DNAAF1: variants seen among roughly 807,000 people sequenced by gnomAD.
DNAAF1 encodes dynein axonemal assembly factor 1.
DNAAF1 carries 65 observed loss-of-function variants against 71.1 expected under a neutral mutation model. The ratio of observed to expected loss-of-function variants is 0.91; its 90% CI spans 0.75 to 1.12. DNAAF1 has a LOEUF of 1.12. Ranked by LOEUF, DNAAF1 falls within the 50% of genes most tolerant of loss-of-function variation. DNAAF1 has a pLI of 0.00. For synonymous variants in DNAAF1, 414 were observed against 354.6 expected, an observed-to-expected ratio of 1.17 and a Z score of -1.88; for missense variants, 1,178 against 899.8, an observed-to-expected ratio of 1.31 and a Z score of -3.96.
chr16:84,147,057 T>C (rs1354760496), intron 1 of DNAAF1, among the ~76,000 whole-genome samples: 2 of 152,172 alleles, frequency 1.3e-5, no homozygotes, highest in African/African-American at 2.4e-5. Context: ...TTTATGGCTG[T>C]TGGCCCAGAG....
chr16:84,160,750 C>T (rs111890360), intron 6 of DNAAF1, among the ~76,000 whole-genome samples: 10,736 of 151,742 alleles, frequency 0.071, 768 homozygotes, highest in African/African-American at 0.19. Flanking sequence ...CTGGCTAACA[C>T]GGTGAAACCG....
rs577953347 is a variant in DNAAF1 at position 84,176,556 on chromosome 16, G to T, written c.2065+257G>T. 240 of 585,940 alleles carry T rather than the reference G, an allele frequency of 4.1e-4. 1 individual carries two copies. Among genetic ancestry groups the T allele is most frequent in the African/African-American group, 4.1e-3 (219 of 53,980 alleles). 36.3% of individuals were successfully genotyped at this position (585,940 alleles called of 1,614,324 possible). On this transcript the variant is annotated intron_variant, in intron 11 of 11. Coordinates refer to ENST00000378553, the MANE Select transcript of DNAAF1 (RefSeq NM_178452.6). ...GGGCAGCCGAGTCTGACTGTGTGTG[G>T]GGGTCACAATCCCCCTGTGGTCATG...
chr16:84,156,442 G>A (rs960673881), intron 5 of DNAAF1, among the ~76,000 whole-genome samples: 7 of 152,158 alleles, frequency 4.6e-5, no homozygotes, highest in Non-Finnish European at 8.8e-5. Flanking sequence ...TTCACCTTGA[G>A]GTGTGTCAGG....
At chr16:84,166,380 T>TC (rs1389934390) in intron 7 of DNAAF1, among the ~76,000 whole-genome samples, 15 of 148,198 alleles carry the variant, frequency 1.0e-4, no homozygotes, top group African/African-American at 3.7e-4. Context: ...CTTTTTTTTT[T>TC]TTTTTTTTTT....
chr16:84,169,633 C>G (rs886601468), intron 7 of DNAAF1, among the ~76,000 whole-genome samples: 1 of 152,016 alleles, frequency 6.6e-6, no homozygotes, highest in Non-Finnish European at 1.5e-5. Flanking sequence ...GTTGGCCAGC[C>G]TGGTTTTGAA....
At chr16:84,162,801 A>G (rs1364747582) in intron 6 of DNAAF1, among the ~76,000 whole-genome samples, 2 of 152,000 alleles carry the variant, frequency 1.3e-5, no homozygotes, top group Admixed American at 6.5e-5. Context: ...CCTGGGTGAC[A>G]GTGGGAGACT....
chr16:84,162,477 G>A (rs932310775), intron 6 of DNAAF1, among the ~76,000 whole-genome samples: 2 of 151,742 alleles, frequency 1.3e-5, no homozygotes, highest in African/African-American at 4.8e-5. Context: ...TATTCACAGA[G>A]TTGTGCAACC....
chr16:84,148,438 T>TA lies in DNAAF1; in HGVS notation c.125-560dup, dbSNP rs199824913. Among the ~76,000 whole-genome samples the TA allele has an allele frequency of 6.9e-3, 1,036 of 150,414 alleles. 12 individuals carry two copies. The highest frequency in any genetic ancestry group is 0.023 in the African/African-American group (953 of 40,994). The stretch of plus-strand genomic sequence containing the variant: ...CGTTGTTAACAGTTTTTGGCTTTTA[T>TA]AAAAAAAAACGCAGAAACAAATCTC... On this transcript the variant is annotated intron_variant, in intron 1 of 11. Coordinates refer to ENST00000378553, the MANE Select transcript of DNAAF1 (RefSeq NM_178452.6).
In DNAAF1 at chr16:84,149,894, G is replaced by A. The variant is rs143958942; in HGVS notation, c.261-357G>A. On this transcript the variant is annotated intron_variant, in intron 2 of 11. Coordinates refer to ENST00000378553, the MANE Select transcript of DNAAF1 (RefSeq NM_178452.6). ...ACAAAAATTAGCCAGGTGTGGTGGC[G>A]CATGCCTGTAATCCCAGCTACTCGG... Among the ~76,000 whole-genome samples the A allele has an allele frequency of 8.1e-3, 1,231 of 151,204 alleles. 22 individuals carry two copies. The highest frequency in any genetic ancestry group is 0.028 in the African/African-American group (1,153 of 41,186).
intron 5 of DNAAF1, 24 bp downstream of exon 5, chr16:84,155,773 C>T (rs369151346): frequency 9.0e-5 from 145 of 1,613,234 alleles, no homozygotes; most frequent in Admixed American, 1.3e-4. Flanking sequence ...ACAAAAACAA[C>T]GAAAAAGCAC....
intron 5 of DNAAF1, 44 bp from the exon 6 acceptor site, chr16:84,159,631 C>G (rs757243208): frequency 6.4e-7 from 1 of 1,572,568 alleles, no homozygotes; most frequent in Non-Finnish European, 8.6e-7. Flanking sequence ...ATAATTCAAT[C>G]GCATCTTTCA....
chr16:84,154,869 G>C, intron 4 of DNAAF1, 71 bp downstream of exon 4: 1 of 1,298,520 alleles, frequency 7.7e-7, no homozygotes, highest in African/African-American at 1.5e-5. Context: ...GATGTTCTAA[G>C]CTTTTATATT....
intron 6 of DNAAF1, among the ~76,000 whole-genome samples, chr16:84,163,181 C>T (rs1383508428): frequency 1.3e-5 from 2 of 152,114 alleles, no homozygotes; most frequent in Non-Finnish European, 2.9e-5. Flanking sequence ...CTGTTGTCTT[C>T]TCCTGGGTAT....
intron 7 of DNAAF1, among the ~76,000 whole-genome samples, chr16:84,167,301 G>T (rs984521201): frequency 6.6e-6 from 1 of 152,138 alleles, no homozygotes; most frequent in African/African-American, 2.4e-5. Flanking sequence ...GCCACACCCC[G>T]CTCCAGGTAA....
At chr16:84,159,947 A>G (rs2087623340) in intron 6 of DNAAF1, 151 bp downstream of exon 6, 2 of 870,002 alleles carry the variant, frequency 2.3e-6, no homozygotes, top group Non-Finnish European at 3.5e-6. Context: ...ATTGACTATA[A>G]TGGGAATTTG....
chr16:84,174,466 G>C, intron 9 of DNAAF1: 3 of 1,443,320 alleles, frequency 2.1e-6, no homozygotes, highest in Non-Finnish European at 2.7e-6. Flanking sequence ...TCATTTATTA[G>C]ATCCAGACAC....
At chr16:84,159,183 G>T in intron 5 of DNAAF1, 2 of 1,000,752 alleles carry the variant, frequency 2.0e-6, no homozygotes, top group Non-Finnish European at 2.4e-6. Context: ...GAGGAAGAAG[G>T]GCCGTCCATC....
chr16:84,177,851 G>A lies in DNAAF1; in HGVS notation c.*10G>A, dbSNP rs1461183675. 11 of 1,600,960 alleles carry A rather than the reference G, an allele frequency of 6.9e-6. No individual in the cohort carries two copies. Among genetic ancestry groups the A allele is most frequent in the African/African-American group, 2.7e-5 (2 of 74,784 alleles). ...ACCGAAAGCATCATAGTTTTCCCCA[G>A]TTATATGTAGCATAAATGGTTTAAT... On this transcript the variant is annotated 3_prime_UTR_variant, in exon 12 of 12. Coordinates refer to ENST00000378553, the MANE Select transcript of DNAAF1 (RefSeq NM_178452.6).
At chr16:84,164,350 A>G (rs140800179) in intron 6 of DNAAF1, among the ~76,000 whole-genome samples, 6 of 152,270 alleles carry the variant, frequency 3.9e-5, no homozygotes, top group African/African-American at 1.2e-4. Context: ...CATGTCCTGT[A>G]TCCCCCATCA....
Sources: gnomAD v4.1 joint callset for allele counts (sites outside exome capture counted in the v4.1 genomes callset) on GRCh38, gnomAD v4.1.1 for gene constraint, MANE v1.5 for transcripts, NCBI Gene and HGNC (gene_info 2026-07-23, HGNC 2026-07-21) for gene names.